CNTN5: variants seen among roughly 807,000 people sequenced by gnomAD.
CNTN5 encodes the protein contactin 5.
CNTN5 carries 77 observed loss-of-function variants against 129.1 expected under a neutral mutation model. That is an observed-to-expected ratio of 0.60 (90% confidence interval 0.50 to 0.72). CNTN5 has a LOEUF of 0.72. Among genes scored for constraint, CNTN5 ranks in the 30% least tolerant of loss-of-function variants. The probability of loss-of-function intolerance (pLI) is 0.00; values close to 1 mark genes in which losing one functional copy is unlikely to be tolerated. For synonymous variants in CNTN5, 509 were observed against 465.6 expected (o/e 1.09, Z -1.20); for missense variants, 1,478 against 1,328.8 (o/e 1.11, Z -1.75).
chr11:99,160,501 C>T lies in CNTN5; in HGVS notation c.-210+139231C>T, dbSNP rs139357329. ...CTCCAATTTTTACACTGTACCTCAC[C>T]TAAACATATCACTAGGATTGTCTTA... On this transcript the variant is annotated intron_variant, in intron 1 of 24. Transcript: ENST00000524871. Among the ~76,000 whole-genome samples, 85 of 152,228 alleles carry T rather than the reference C, an allele frequency of 5.6e-4. No homozygotes were observed. In the East Asian group the frequency reaches 0.014, roughly 26 times the overall value.
chr11:99,511,748 T>G (rs978237956), intron 2 of CNTN5, among the ~76,000 whole-genome samples: 5 of 151,982 alleles, frequency 3.3e-5, no homozygotes, highest in Non-Finnish European at 5.9e-5. Context: ...GCATATATAT[T>G]TAGCATGGCA....
intron 2 of CNTN5, among the ~76,000 whole-genome samples, chr11:99,392,500 C>G (rs990366780): frequency 6.6e-6 from 1 of 151,818 alleles, no homozygotes; most frequent in Non-Finnish European, 1.5e-5. Flanking sequence ...AACTTTTCAT[C>G]CAGCCCATCT....
At chr11:99,114,671 G>A (rs910966910) in intron 1 of CNTN5, among the ~76,000 whole-genome samples, 2 of 152,092 alleles carry the variant, frequency 1.3e-5, no homozygotes, top group African/African-American at 2.4e-5. Context: ...CTTGCATATA[G>A]TAGTAATCAA....
intron 3 of CNTN5, among the ~76,000 whole-genome samples, chr11:99,705,809 G>T (rs1030512409): frequency 6.6e-6 from 1 of 151,294 alleles, no homozygotes; most frequent in Admixed American, 6.6e-5. Flanking sequence ...TGTGGAGCTG[G>T]TACTGTGCTA....
At chr11:99,889,291 GGTGT>G (rs71050029) in intron 6 of CNTN5, among the ~76,000 whole-genome samples, 2 of 33,218 alleles carry the variant, frequency 6.0e-5, no homozygotes, top group African/African-American at 5.8e-4. Context: ...CTCCAGAGCA[GGTGT>G]GTGTGTGTGT....
At chr11:99,100,361 TC>T (rs1565316868) in intron 1 of CNTN5, among the ~76,000 whole-genome samples, 1 of 152,144 alleles carries the variant, frequency 6.6e-6, no homozygotes, top group East Asian at 1.9e-4. Flanking sequence ...AGAACAATAT[TC>T]TTCAACTTCT....
At chr11:99,588,082 G>A (rs1436866009) in intron 3 of CNTN5, among the ~76,000 whole-genome samples, 1 of 152,268 alleles carries the variant, frequency 6.6e-6, no homozygotes, top group East Asian at 1.9e-4. Context: ...AGTGGCTCAC[G>A]CCTGTAATCC....
intron 2 of CNTN5, among the ~76,000 whole-genome samples, chr11:99,546,326 G>A (rs1248934724): frequency 2.0e-5 from 3 of 152,012 alleles, no homozygotes; most frequent in Non-Finnish European, 4.4e-5. Flanking sequence ...GGGAGGGGAG[G>A]GTGGAACAGG....
intron 1 of CNTN5, among the ~76,000 whole-genome samples, chr11:99,163,919 T>G (rs890611155): frequency 4.6e-5 from 7 of 152,212 alleles, no homozygotes; most frequent in Admixed American, 3.9e-4. Flanking sequence ...TAGTTGTAAG[T>G]GGTTTGTCTT....
At chr11:99,247,249 C>T (rs552705176) in intron 1 of CNTN5, among the ~76,000 whole-genome samples, 6 of 152,068 alleles carry the variant, frequency 3.9e-5, no homozygotes, top group African/African-American at 1.4e-4. Flanking sequence ...TATTCTCTCT[C>T]CATTTAAAGA....
intron 2 of CNTN5, among the ~76,000 whole-genome samples, chr11:99,431,931 C>T (rs1279173402): frequency 1.3e-5 from 2 of 151,894 alleles, no homozygotes; most frequent in Non-Finnish European, 2.9e-5. Context: ...GCTGGAGGGT[C>T]AAGAGGGAGG....
intron 13 of CNTN5, among the ~76,000 whole-genome samples, chr11:100,118,276 G>C (rs1435292676): frequency 6.6e-6 from 1 of 151,634 alleles, no homozygotes; most frequent in African/African-American, 2.4e-5. Context: ...CACTACCTTT[G>C]GACTAGGCTG....
intron 13 of CNTN5, among the ~76,000 whole-genome samples, chr11:100,161,412 T>G (rs1035858816): frequency 1.3e-5 from 2 of 151,978 alleles, no homozygotes; most frequent in Non-Finnish European, 2.9e-5. Flanking sequence ...ATTCTATTAA[T>G]GTTCAGTAAA....
chr11:99,731,027 A>T (rs2135096627), intron 3 of CNTN5, among the ~76,000 whole-genome samples: 1 of 152,272 alleles, frequency 6.6e-6, no homozygotes, highest in African/African-American at 2.4e-5. Context: ...CCCATATATG[A>T]GTAGAAACAC....
chr11:99,982,729 C>A (rs1217072817), intron 8 of CNTN5, among the ~76,000 whole-genome samples: 1 of 152,130 alleles, frequency 6.6e-6, no homozygotes, highest in East Asian at 1.9e-4. Flanking sequence ...CAAGTTCATC[C>A]TCCCGGGTTC....
rs533625062 is a variant in CNTN5 at position 99,858,649 on chromosome 11, A to G, written c.577+13387A>G. ...GGCAAAAGTTTTATTCATCTAATTT[A>G]GTGATATTGTGTTTTCGAGAGTTTT... is the stretch of plus-strand genomic sequence containing the variant. On this transcript the variant is annotated intron_variant, in intron 6 of 24. Transcript: ENST00000524871. 4.5e-3 allele frequency among the ~76,000 whole-genome samples: 683 copies of G among 150,938 alleles called. 6 individuals carry two copies. The highest frequency in any genetic ancestry group is 0.016 in the African/African-American group (658 of 41,322).
chr11:99,348,028 T>C (rs1177573874), intron 2 of CNTN5, among the ~76,000 whole-genome samples: 1 of 152,230 alleles, frequency 6.6e-6, no homozygotes, highest in African/African-American at 2.4e-5. Flanking sequence ...ATGTTATTTA[T>C]TTAATGAAAA....
At position 99,988,296 on chromosome 11, in the gene CNTN5, A is replaced by T. The variant is rs942899009; in HGVS notation, c.878-13738A>T. Among the ~76,000 whole-genome samples the T allele has an allele frequency of 2.1e-4, 32 of 152,240 alleles. 1 individual carries two copies. The highest frequency in any genetic ancestry group is 2.0e-3 in the Admixed American group (30 of 15,286). ...TAAACTATTAACAATGGTTTAAAAC[A>T]ACTCATTTGTCACGTTTTTTGCCCA... On this transcript the variant is annotated intron_variant, in intron 8 of 24. Transcript: ENST00000524871.
intron 7 of CNTN5, among the ~76,000 whole-genome samples, chr11:99,947,693 T>C (rs140142506): frequency 2.0e-3 from 300 of 152,226 alleles, no homozygotes; most frequent in African/African-American, 6.2e-3. Context: ...CATAGAAAAT[T>C]TAGGCAGTTC....
Sources: allele counts gnomAD v4.1 joint callset (sites outside exome capture counted in the v4.1 genomes callset), GRCh38; gene constraint gnomAD v4.1.1; transcripts MANE v1.5; gene names NCBI Gene and HGNC (gene_info 2026-07-23, HGNC 2026-07-21).